CNTN5: variants seen among roughly 807,000 people sequenced by gnomAD.
CNTN5 encodes the protein contactin 5.
In CNTN5, 77 loss-of-function variants were observed where a neutral mutation model predicts 129.1. The observed-to-expected ratio is 0.60, with a 90% CI of 0.50 to 0.72. The LOEUF is 0.72. Ranked by LOEUF, CNTN5 falls within the 30% of genes least tolerant of loss-of-function variation. The probability of loss-of-function intolerance (pLI) is 0.00; values close to 1 mark genes in which losing one functional copy is unlikely to be tolerated. For missense variants in CNTN5, 1,478 were observed against 1,328.8 expected, an observed-to-expected ratio of 1.11 and a Z score of -1.75; for synonymous variants, 509 against 465.6, an observed-to-expected ratio of 1.09 and a Z score of -1.20.
intron 8 of CNTN5, among the ~76,000 whole-genome samples, chr11:99,992,507 G>A (rs749124626): frequency 6.6e-6 from 1 of 152,098 alleles, no homozygotes; most frequent in African/African-American, 2.4e-5. Context: ...AGTAAAGAAA[G>A]GTCCATTCTT....
chr11:99,022,313 C>T lies in CNTN5; in HGVS notation c.-210+1043C>T, dbSNP rs181500395. 1.8e-4 allele frequency among the ~76,000 whole-genome samples: 28 copies of T among 152,190 alleles called. No individual in the cohort carries two copies. The East Asian group carries it at 5.2e-3, about 28-fold the overall frequency. On this transcript the variant is annotated intron_variant, in intron 1 of 24. Transcript: ENST00000524871. Reference sequence around the variant, plus strand: ...ATTTAAAAATTAATGCAGATATCATCGATTACTGTTGAATTGCAACAGAAT... The same window carrying T: ...ATTTAAAAATTAATGCAGATATCATTGATTACTGTTGAATTGCAACAGAAT...
intron 1 of CNTN5, among the ~76,000 whole-genome samples, chr11:99,271,039 C>T (rs1863146286): frequency 6.6e-6 from 1 of 151,852 alleles, no homozygotes; most frequent in African/African-American, 2.4e-5. Flanking sequence ...GTGTTTGGAA[C>T]ATGATAAATA....
chr11:100,247,902 A>C (rs1480383116), intron 16 of CNTN5, among the ~76,000 whole-genome samples: 3 of 152,166 alleles, frequency 2.0e-5, no homozygotes, highest in African/African-American at 4.8e-5. Context: ...GCATGATAAA[A>C]ATAAGAATTA....
At chr11:100,308,765 G>A (rs1951409886) in intron 21 of CNTN5, 1 of 1,015,662 alleles carries the variant, frequency 9.8e-7, no homozygotes, top group African/African-American at 1.7e-5. Flanking sequence ...CAATTTACTG[G>A]TCATTTTAAA....
intron 17 of CNTN5, among the ~76,000 whole-genome samples, chr11:100,261,170 C>A (rs1950189086): frequency 6.6e-6 from 1 of 152,010 alleles, no homozygotes; most frequent in South Asian, 2.1e-4. Flanking sequence ...AACAGAGAGC[C>A]AAATCATGAG....
intron 3 of CNTN5, among the ~76,000 whole-genome samples, chr11:99,560,640 A>AGACTT (rs1388599277): frequency 6.6e-6 from 1 of 152,182 alleles, no homozygotes; most frequent in African/African-American, 2.4e-5. Flanking sequence ...GGGGATAAAC[A>AGACTT]GACTTAAATA....
chr11:99,941,504 A>G (rs1366977875), intron 7 of CNTN5, among the ~76,000 whole-genome samples: 1 of 151,458 alleles, frequency 6.6e-6, no homozygotes, highest in Non-Finnish European at 1.5e-5. Context: ...CATAGTCAAG[A>G]TTTCTTCCCT....
intron 13 of CNTN5, among the ~76,000 whole-genome samples, chr11:100,135,404 T>C (rs1946492838): frequency 6.6e-6 from 1 of 152,082 alleles, no homozygotes; most frequent in Non-Finnish European, 1.5e-5. Context: ...CTCGATCTCC[T>C]GACCTTATGA....
chr11:99,056,385 A>G (rs1317965846), intron 1 of CNTN5, among the ~76,000 whole-genome samples: 1 of 151,962 alleles, frequency 6.6e-6, no homozygotes, highest in Non-Finnish European at 1.5e-5. Context: ...ACTTAGAACC[A>G]TGCTCCAAAA....
At chr11:99,333,969 C>G (rs1379186619) in intron 2 of CNTN5, among the ~76,000 whole-genome samples, 1 of 63,154 alleles carries the variant, frequency 1.6e-5, no homozygotes, top group Non-Finnish European at 2.9e-5. Flanking sequence ...CTCTCTCTCT[C>G]TCTCACACAC....
chr11:99,025,382 A>T (rs992458122), intron 1 of CNTN5, among the ~76,000 whole-genome samples: 1 of 151,862 alleles, frequency 6.6e-6, no homozygotes, highest in Non-Finnish European at 1.5e-5. Flanking sequence ...TTTCATAACC[A>T]TTGACTGGAA....
intron 16 of CNTN5, among the ~76,000 whole-genome samples, chr11:100,238,586 A>G: frequency 6.6e-6 from 1 of 151,462 alleles, no homozygotes; most frequent in South Asian, 2.1e-4. Flanking sequence ...AGGAGAGGAA[A>G]AAGAAGAAGA....
chr11:99,310,257 A>C (rs1206462469), intron 1 of CNTN5, among the ~76,000 whole-genome samples: 1 of 152,192 alleles, frequency 6.6e-6, no homozygotes, highest in Admixed American at 6.5e-5. Context: ...GTAATTTTAA[A>C]GAAATTTGGA....
At chr11:99,795,613 C>A (rs558998802) in intron 3 of CNTN5, among the ~76,000 whole-genome samples, 1 of 132,382 alleles carries the variant, frequency 7.6e-6, no homozygotes, top group Admixed American at 7.6e-5. Flanking sequence ...TATTTATCTT[C>A]CTTGTGTTCT....
chr11:99,377,757 G>A (rs1940273766), intron 2 of CNTN5, among the ~76,000 whole-genome samples: 1 of 148,844 alleles, frequency 6.7e-6, no homozygotes, highest in South Asian at 2.2e-4. Flanking sequence ...GAAAGGCACT[G>A]TGAGAGCAGA....
chr11:99,661,637 T>G (rs1952596107), intron 3 of CNTN5, among the ~76,000 whole-genome samples: 1 of 152,030 alleles, frequency 6.6e-6, no homozygotes, highest in African/African-American at 2.4e-5. Flanking sequence ...TCCAGCAGTG[T>G]GAGAATGGAC....
intron 2 of CNTN5, among the ~76,000 whole-genome samples, chr11:99,408,005 A>G (rs1303588969): frequency 6.6e-6 from 1 of 152,160 alleles, no homozygotes; most frequent in Non-Finnish European, 1.5e-5. Context: ...TTTCAGTGAT[A>G]TGAAGTTAAA....
At chr11:99,430,192 G>A (rs1477720011) in intron 2 of CNTN5, among the ~76,000 whole-genome samples, 2 of 152,030 alleles carry the variant, frequency 1.3e-5, no homozygotes, top group East Asian at 1.9e-4. Context: ...AAGGGGAAAG[G>A]AGGAATAGGG....
At chr11:99,149,251 C>G (rs1219996453) in intron 1 of CNTN5, among the ~76,000 whole-genome samples, 2 of 151,888 alleles carry the variant, frequency 1.3e-5, no homozygotes, top group African/African-American at 2.4e-5. Flanking sequence ...TCAACAAGGC[C>G]TGAGGATGTC....
Sources: gnomAD v4.1 joint callset for allele counts (sites outside exome capture counted in the v4.1 genomes callset) on GRCh38, gnomAD v4.1.1 for gene constraint, MANE v1.5 for transcripts, NCBI Gene and HGNC (gene_info 2026-07-23, HGNC 2026-07-21) for gene names.